Variants in BLTP1 observed in about 807,000 individuals in gnomAD.
BLTP1 encodes the protein bridge-like lipid transfer protein family member 1, also known as fragile site-associated protein.
the BLTP1 span, among the ~76,000 whole-genome samples, chr4:122,277,966 C>T: frequency 6.6e-6 from 1 of 152,076 alleles, no homozygotes; most frequent in Admixed American, 6.6e-5. Context: ...TTTTTACTTA[C>T]ATGTGAGAAT....
At chr4:122,316,721 T>C in the BLTP1 span, 1 of 1,601,448 alleles carries the variant, frequency 6.2e-7, no homozygotes, top group South Asian at 1.1e-5. Flanking sequence ...GATACACTTT[T>C]GACTTTTCAG....
the BLTP1 span, chr4:122,173,087 G>A: frequency 2.5e-6 from 4 of 1,611,504 alleles, no homozygotes; most frequent in Non-Finnish European, 3.4e-6. Context: ...TATAATTCCC[G>A]GAATGTTGGT....
chr4:122,247,285 A>G, the BLTP1 span: 1 of 1,613,564 alleles, frequency 6.2e-7, no homozygotes, highest in Admixed American at 1.7e-5. Context: ...TGGAGCAGAA[A>G]AAGGCAAAGA....
chr4:122,336,664 C>G, the BLTP1 span: 1 of 977,724 alleles, frequency 1.0e-6, no homozygotes, highest in Non-Finnish European at 1.2e-6. Flanking sequence ...TCACTAGTTT[C>G]TTTGTACAGT....
the BLTP1 span, chr4:122,355,923 A>G: frequency 6.2e-7 from 1 of 1,612,240 alleles, no homozygotes; most frequent in Non-Finnish European, 8.5e-7. Context: ...CTATCTTTGC[A>G]TTACCAAGGA....
At chr4:122,188,098 T>A in the BLTP1 span, 14 of 1,457,894 alleles carry the variant, frequency 9.6e-6, no homozygotes, top group Non-Finnish European at 1.3e-5. Context: ...AGTAAGAAAA[T>A]CTTATAAAAA....
At chr4:122,197,190 T>TGGTA in the BLTP1 span, 1 of 1,109,596 alleles carries the variant, frequency 9.0e-7, no homozygotes. Context: ...TTTTTTCTTT[T>TGGTA]GGTAGGAAAC....
the BLTP1 span, chr4:122,343,936 G>C: frequency 2.2e-6 from 2 of 907,266 alleles, no homozygotes; most frequent in Non-Finnish European, 2.6e-6. Flanking sequence ...AACAAACTGC[G>C]TAGAAAGTAA....
the BLTP1 span, among the ~76,000 whole-genome samples, chr4:122,177,334 G>A: frequency 1.3e-5 from 2 of 152,192 alleles, no homozygotes; most frequent in African/African-American, 2.4e-5. Context: ...GGCCCAAGTC[G>A]CCATCATCTT....
At chr4:122,187,262 G>A in the BLTP1 span, 3 of 984,064 alleles carry the variant, frequency 3.0e-6, no homozygotes, top group South Asian at 9.4e-5. Context: ...ACAGCTGTAG[G>A]AATATTAGTA....
At chr4:122,246,412 A>C in the BLTP1 span, 1 of 1,116,748 alleles carries the variant, frequency 9.0e-7, no homozygotes, top group Non-Finnish European at 1.2e-6. Context: ...ATATTAAAAA[A>C]ATATGTTTTA....
At chr4:122,238,317 T>A in the BLTP1 span, 1 of 1,614,126 alleles carries the variant, frequency 6.2e-7, no homozygotes, top group South Asian at 1.1e-5. Context: ...AAAGAGTTCT[T>A]GCATGGGACA....
chr4:122,204,615 A>C, the BLTP1 span: 42 of 975,198 alleles, frequency 4.3e-5, no homozygotes, highest in Non-Finnish European at 5.0e-5. Flanking sequence ...CTTAGCAGAG[A>C]GGATATGAAA....
chr4:122,235,469 A>G, the BLTP1 span: 1 of 979,198 alleles, frequency 1.0e-6, no homozygotes, highest in Non-Finnish European at 1.2e-6. Context: ...TCCTTATAGT[A>G]AAATTAAACA....
the BLTP1 span, chr4:122,190,333 T>G: frequency 4.2e-6 from 3 of 717,588 alleles, no homozygotes; most frequent in Non-Finnish European, 5.1e-6. Flanking sequence ...TGGCCTTAAG[T>G]GATCCTCCTG....
At chr4:122,334,213 C>A in the BLTP1 span, 1 of 878,524 alleles carries the variant, frequency 1.1e-6, no homozygotes. Context: ...TTGCCAGGAT[C>A]ACAAAGCTAA....
chr4:122,307,670 T>C, the BLTP1 span: 8 of 985,040 alleles, frequency 8.1e-6, no homozygotes, highest in African/African-American at 8.7e-5. Context: ...TAACATATAA[T>C]AGGCATTTCA....
the BLTP1 span, chr4:122,251,197 G>A: frequency 1.1e-6 from 1 of 878,478 alleles, no homozygotes; most frequent in Non-Finnish European, 1.4e-6. Flanking sequence ...TGACCTTGCA[G>A]CGTTGTGAAG....
the BLTP1 span, chr4:122,289,218 ATAGGTG>A: frequency 1.3e-6 from 2 of 1,497,644 alleles, no homozygotes; most frequent in East Asian, 4.6e-5. Flanking sequence ...ACCTTATAGT[ATAGGTG>A]TAGGTTTTTA....
Sources: allele counts gnomAD v4.1 joint callset (sites outside exome capture counted in the v4.1 genomes callset), GRCh38; gene constraint gnomAD v4.1.1; transcripts MANE v1.5; gene names NCBI Gene and HGNC (gene_info 2026-07-23, HGNC 2026-07-21).